ELP3: variants seen among roughly 807,000 people sequenced by gnomAD.
ELP3 encodes the protein elongator complex protein 3.
Under a neutral mutation model 74.9 loss-of-function variants are expected in ELP3, and 56 were observed. The observed-to-expected ratio is 0.75, with a 90% confidence interval of 0.60 to 0.93. The LOEUF is 0.93. ELP3 is among the 40% of genes least tolerant of loss of function. The pLI is 0.00. For synonymous variants in ELP3, 222 were observed against 239.8 expected, an observed-to-expected ratio of 0.93 and a Z score of 0.68; for missense variants, 573 against 686.5, an observed-to-expected ratio of 0.83 and a Z score of 1.85.
intron 1 of ELP3, 40 bp downstream of exon 1, chr8:28,093,273 A>G (rs1811116696): frequency 6.2e-7 from 1 of 1,610,782 alleles, no homozygotes. Flanking sequence ...GGGTGGTCCG[A>G]AAGGGGCGAA....
rs759348494 is a variant in ELP3 at position 28,099,865 on chromosome 8, G to T, written c.157G>T (p.Ala53Ser). 4.3e-6 allele frequency: 7 copies of T among 1,614,046 alleles called. No individual in the cohort carries two copies. Among genetic ancestry groups the T allele is most frequent in the Admixed American group, 1.7e-5 (1 of 60,008 alleles). The change falls in exon 3 of 15, where the codon GCC becomes TCC. Residue 53 changes from alanine (A) to serine (S), a missense_variant. By Grantham distance (99) the Ala-to-Ser change is moderately conservative (BLOSUM62 1). Transcript: ENST00000256398. ...TKTAAKYGLS[A>S]QPRLVDIIAA... ...GACAGCTGCCAAATATGGCCTTTCT[G>T]CCCAGCCCCGCCTGGTGGATATCAT...
intron 14 of ELP3, among the ~76,000 whole-genome samples, chr8:28,185,554 T>A (rs1395624774): frequency 6.6e-6 from 1 of 151,662 alleles, no homozygotes; most frequent in Non-Finnish European, 1.5e-5. Flanking sequence ...GAACTCTAAT[T>A]AAGGCACACA....
chr8:28,129,797 T>G (rs932854566), intron 8 of ELP3, 134 bp downstream of exon 8: 3 of 1,024,846 alleles, frequency 2.9e-6, no homozygotes, highest in East Asian at 2.4e-5. Context: ...TTCAGAGTTC[T>G]TTCTTCTGTC....
chr8:28,158,050 CAAAAAAA>C (rs11323782), intron 11 of ELP3, among the ~76,000 whole-genome samples: 12 of 93,662 alleles, frequency 1.3e-4, no homozygotes, highest in South Asian at 7.6e-4. Flanking sequence ...GCCCTTCTTG[CAAAAAAA>C]AAAAAAAAAA....
intron 7 of ELP3, among the ~76,000 whole-genome samples, chr8:28,118,238 T>C (rs138572474): frequency 1.3e-5 from 2 of 152,322 alleles, no homozygotes; most frequent in Non-Finnish European, 2.9e-5. Flanking sequence ...TAATAGTCTG[T>C]TCACGTTAGG....
At chr8:28,153,677 G>A (rs1039516386) in intron 10 of ELP3, among the ~76,000 whole-genome samples, 5 of 152,126 alleles carry the variant, frequency 3.3e-5, no homozygotes, top group African/African-American at 7.2e-5. Context: ...GGTAGGCTCC[G>A]TGGGCGAGTC....
At chr8:28,158,132 A>C (rs1813911947) in intron 11 of ELP3, among the ~76,000 whole-genome samples, 1 of 151,834 alleles carries the variant, frequency 6.6e-6, no homozygotes, top group Non-Finnish European at 1.5e-5. Flanking sequence ...GGATGCTAAA[A>C]ATGTTAACTG....
At chr8:28,159,041 A>G (rs991371434) in intron 12 of ELP3, among the ~76,000 whole-genome samples, 3 of 152,236 alleles carry the variant, frequency 2.0e-5, no homozygotes, top group Non-Finnish European at 4.4e-5. Context: ...TGGGAAGAGC[A>G]TAGTATGATC....
At position 28,160,355 on chromosome 8, in the gene ELP3, C is replaced by T. The variant is rs367635310; in HGVS notation, c.1384C>T (p.Arg462Cys). ...RLRKCSEETF[R>C]FELGGGVSIV... is the part of the protein sequence containing the mutation. ...ACGCAAGTGTTCAGAAGAAACTTTC[C>T]GTTTCGAATTGGGTGGAGGTGTCTC... Residue 462 changes from arginine (R) to cysteine (C), a missense_variant, in exon 13 of 15, where the codon CGT becomes TGT. Transcript: ENST00000256398. The T allele has an allele frequency of 6.2e-6, 10 of 1,614,010 alleles. No individual in the cohort carries two copies. Among genetic ancestry groups the T allele is most frequent in the African/African-American group, 2.7e-5 (2 of 74,918 alleles).
chr8:28,098,263 T>A (rs1811336157), intron 2 of ELP3, among the ~76,000 whole-genome samples: 1 of 151,796 alleles, frequency 6.6e-6, no homozygotes, highest in African/African-American at 2.4e-5. Context: ...AATGAAAGGG[T>A]TCTCTCCCCA....
chr8:28,106,678 C>G (rs1248372353), intron 3 of ELP3, 35 bp from the exon 4 acceptor site: 10 of 1,574,100 alleles, frequency 6.4e-6, no homozygotes, highest in Non-Finnish European at 8.7e-6. Context: ...ATTAATTATC[C>G]TATAATAGCT....
chr8:28,146,877 C>T (rs1029561877), intron 10 of ELP3, among the ~76,000 whole-genome samples: 60 of 152,268 alleles, frequency 3.9e-4, no homozygotes, highest in African/African-American at 1.4e-3. Context: ...TAGTGGCAGA[C>T]GTAAATTTGA....
intron 1 of ELP3, among the ~76,000 whole-genome samples, chr8:28,095,571 A>G (rs1188595805): frequency 6.6e-6 from 1 of 152,184 alleles, no homozygotes; most frequent in Non-Finnish European, 1.5e-5. Context: ...TTGAGTATAG[A>G]TGGACTTTAT....
At chr8:28,139,453 A>T (rs1393322050) in intron 10 of ELP3, among the ~76,000 whole-genome samples, 1 of 152,200 alleles carries the variant, frequency 6.6e-6, no homozygotes, top group African/African-American at 2.4e-5. Context: ...AATGAATAAC[A>T]ACACAGGTGG....
At chr8:28,093,443 C>T in intron 1 of ELP3, 1 of 624,826 alleles carries the variant, frequency 1.6e-6, no homozygotes, top group Non-Finnish European at 2.8e-6. Flanking sequence ...CTCTCTTCCT[C>T]TTTGGCAGTC....
intron 1 of ELP3, among the ~76,000 whole-genome samples, chr8:28,096,718 G>GT (rs1191955451): frequency 6.6e-6 from 1 of 152,194 alleles, no homozygotes; most frequent in Admixed American, 6.5e-5. Flanking sequence ...AGATACCTGG[G>GT]TTTGAGTTTC....
intron 10 of ELP3, among the ~76,000 whole-genome samples, chr8:28,149,354 AC>A (rs1813555959): frequency 6.6e-6 from 1 of 152,232 alleles, no homozygotes; most frequent in Non-Finnish European, 1.5e-5. Flanking sequence ...GGTAGAATTC[AC>A]CAGTGATAGA....
intron 10 of ELP3, among the ~76,000 whole-genome samples, chr8:28,146,630 A>G (rs1813443490): frequency 6.6e-6 from 1 of 152,092 alleles, no homozygotes; most frequent in Non-Finnish European, 1.5e-5. Context: ...TAGGTTTTCA[A>G]CTCCTAGAAG....
intron 14 of ELP3, among the ~76,000 whole-genome samples, chr8:28,182,888 A>G (rs898652679): frequency 1.3e-5 from 2 of 152,206 alleles, no homozygotes; most frequent in African/African-American, 4.8e-5. Flanking sequence ...AGGATCAGAG[A>G]GATGCTGTAC....
Sources: gnomAD v4.1 joint callset for allele counts (sites outside exome capture counted in the v4.1 genomes callset) on GRCh38, gnomAD v4.1.1 for gene constraint, MANE v1.5 for transcripts, NCBI Gene and HGNC (gene_info 2026-07-23, HGNC 2026-07-21) for gene names.